SULT2B1: variants seen among roughly 807,000 people sequenced by gnomAD.
SULT2B1 encodes the protein sulfotransferase 2B1.
Under a neutral mutation model 33.2 loss-of-function variants are expected in SULT2B1, and 16 were observed. The ratio of observed to expected loss-of-function variants is 0.48; its 90% CI spans 0.33 to 0.73. The LOEUF is 0.73. Among genes scored for constraint, SULT2B1 ranks in the 30% least tolerant of loss-of-function variants. The probability of loss-of-function intolerance (pLI) is 0.02; values close to 1 mark genes in which losing one functional copy is unlikely to be tolerated. For synonymous variants in SULT2B1, 186 were observed against 200.5 expected, an observed-to-expected ratio of 0.93 and a Z score of 0.61; for missense variants, 500 against 506.0, an observed-to-expected ratio of 0.99 and a Z score of 0.11.
intron 5 of SULT2B1, among the ~76,000 whole-genome samples, 160 bp downstream of exon 5, chr19:48,592,976 G>A (rs1973663698): frequency 6.6e-6 from 1 of 152,178 alleles, no homozygotes; most frequent in Non-Finnish European, 1.5e-5. Flanking sequence ...CTGAGCCTGT[G>A]AGCAAGACCA....
intron 2 of SULT2B1, among the ~76,000 whole-genome samples, chr19:48,579,877 G>T (rs1160806753): frequency 6.6e-6 from 1 of 152,020 alleles, no homozygotes; most frequent in Non-Finnish European, 1.5e-5. Flanking sequence ...GAAGTGCTGG[G>T]ATTACAGGCG....
intron 1 of SULT2B1, among the ~76,000 whole-genome samples, chr19:48,567,096 A>G (rs2147603601): frequency 6.6e-6 from 1 of 152,236 alleles, no homozygotes; most frequent in Admixed American, 6.6e-5. Flanking sequence ...GCTGAATTCC[A>G]GCGTTTTTCC....
chr19:48,593,432 G>A (rs1973669655), intron 5 of SULT2B1, among the ~76,000 whole-genome samples: 1 of 151,510 alleles, frequency 6.6e-6, no homozygotes. Flanking sequence ...CATGCCTGTA[G>A]TCCCAGCTGC....
chr19:48,587,110 T>TAA (rs1208489951), intron 2 of SULT2B1, 119 bp from the exon 3 acceptor site: 2 of 647,750 alleles, frequency 3.1e-6, no homozygotes, highest in Admixed American at 7.5e-5. Flanking sequence ...AGACTCTGTC[T>TAA]TAAAAAAAAA....
At position 48,563,856 on chromosome 19, in the gene SULT2B1, T is replaced by C. The variant is rs372481176; in HGVS notation, c.71+11533T>C. On this transcript the variant is annotated intron_variant, in intron 1 of 6. Coordinates refer to ENST00000201586, the MANE Select transcript of SULT2B1 (RefSeq NM_177973.2). ...GGCACATGCCTGTAATCCCAGCTAC[T>C]CGGGAGGCTGAGGCAGGAGAATCGT... is the stretch of plus-strand genomic sequence containing the variant. Among the ~76,000 whole-genome samples, 48 of 151,680 alleles carry C rather than the reference T, an allele frequency of 3.2e-4. No homozygotes were observed. In the South Asian group the frequency reaches 9.6e-3, roughly 30 times the overall value.
chr19:48,596,943 G>GCCCA (rs1197231545), intron 6 of SULT2B1, 24 bp downstream of exon 6: 1 of 1,550,956 alleles, frequency 6.4e-7, no homozygotes, highest in South Asian at 1.2e-5. Context: ...GGGGTTCAGA[G>GCCCA]CCCACTAGGC....
intron 5 of SULT2B1, among the ~76,000 whole-genome samples, chr19:48,594,233 C>T (rs943837191): frequency 6.6e-6 from 1 of 152,064 alleles, no homozygotes; most frequent in South Asian, 2.1e-4. Context: ...TGCACTCCAG[C>T]TGGGTTATAG....
In SULT2B1 at chr19:48,591,631, C is replaced by A; in HGVS notation, c.446C>A (p.Pro149His). The A allele has an allele frequency of 1.2e-6, 2 of 1,613,470 alleles. No individual in the cohort carries two copies. The highest frequency in any genetic ancestry group is 1.7e-6 in the Non-Finnish European group (2 of 1,179,616). The change falls in exon 4 of 7, where the codon CCC becomes CAC. Residue 149 changes from proline to histidine, a missense_variant. By Grantham distance (77) the Pro-to-His change is moderately conservative (BLOSUM62 -2). Transcript: ENST00000201586. Reference protein sequence around the residue: ...KAKVIYMGRNPRDVVVSLYHY... With the variant: ...KAKVIYMGRNHRDVVVSLYHY... ...CAGGTGATCTACATGGGCCGCAACC[C>A]CCGGGACGTTGTGGTCTCCCTCTAT...
At chr19:48,597,069 G>A (rs985135712) in intron 6 of SULT2B1, 150 bp downstream of exon 6, 11 of 953,082 alleles carry the variant, frequency 1.2e-5, no homozygotes, top group Admixed American at 2.8e-5. Flanking sequence ...GATCACGCAC[G>A]GGGCTTAGCA....
Position 48,552,405 on chromosome 19 carries a change from T to C in SULT2B1, c.71+82T>C. 1 of 1,419,048 alleles carries C rather than the reference T, an allele frequency of 7.0e-7. No homozygotes were observed. Among genetic ancestry groups the C allele is most frequent in the East Asian group, 2.7e-5 (1 of 37,198 alleles). 87.9% of individuals were successfully genotyped at this position (1,419,048 alleles called of 1,614,324 possible). A position where few individuals can be genotyped will look rare whatever the true frequency, so the allele number is the denominator to read the frequency against. ...GGGGAGCCGGGGACTGTGGCAAGGG[T>C]GGCCTCCAGCCACCCGCAGCCGCAG... On this transcript the variant is annotated intron_variant, in intron 1 of 6. Coordinates refer to ENST00000201586, the MANE Select transcript of SULT2B1 (RefSeq NM_177973.2). The surrounding 1 kb of genome is among the most constrained non-coding windows in gnomAD (Gnocchi z 4.8).
chr19:48,578,036 G>A (rs1973437691), intron 2 of SULT2B1, among the ~76,000 whole-genome samples: 1 of 140,180 alleles, frequency 7.1e-6, no homozygotes, highest in Admixed American at 7.6e-5. Flanking sequence ...GGGCAACATA[G>A]CAAGACCCCA....
At chr19:48,592,965 C>T in intron 5 of SULT2B1, 149 bp downstream of exon 5, 2 of 685,284 alleles carry the variant, frequency 2.9e-6, no homozygotes, top group East Asian at 2.7e-5. Flanking sequence ...GAACAGAGGC[C>T]CTGAGCCTGT....
intron 1 of SULT2B1, among the ~76,000 whole-genome samples, chr19:48,566,749 G>A (rs1209547791): frequency 1.3e-5 from 2 of 151,978 alleles, no homozygotes; most frequent in Non-Finnish European, 2.9e-5. Flanking sequence ...GGCTGAGATG[G>A]GAGAATCACT....
At chr19:48,559,286 G>A (rs896422054) in intron 1 of SULT2B1, among the ~76,000 whole-genome samples, 2 of 152,100 alleles carry the variant, frequency 1.3e-5, no homozygotes, top group East Asian at 3.9e-4. Flanking sequence ...GCCTGTGTAC[G>A]GACTGGCAGA....
chr19:48,596,625 G>A, intron 5 of SULT2B1, 114 bp from the exon 6 acceptor site: 1 of 1,139,370 alleles, frequency 8.8e-7, no homozygotes, highest in Non-Finnish European at 1.2e-6. Context: ...GAGGCAAAGA[G>A]GCAGCGTCCC....
intron 5 of SULT2B1, chr19:48,596,451 C>CCCGGCTGTGACCTCTGCCG (rs1973715473): frequency 9.3e-6 from 2 of 215,524 alleles, no homozygotes; most frequent in African/African-American, 2.6e-5. Flanking sequence ...GACCTCTGCC[C>CCCGGCTGTGACCTCTGCCG]CCGGCTGTGA....
rs1404273325 is a variant in SULT2B1 at position 48,591,750 on chromosome 19, A to G, written c.550+15A>G. 6 of 1,565,654 alleles carry G rather than the reference A, an allele frequency of 3.8e-6. No individual in the cohort carries two copies. Among genetic ancestry groups the G allele is most frequent in the Non-Finnish European group, 5.2e-6 (6 of 1,154,582 alleles). ...CAAAGGCGAAGGTGGGGACAGGGTAAAGCGGGGCAGGAGGGGTGGGGAGGA... is the reference window on the plus strand; with the variant it reads ...CAAAGGCGAAGGTGGGGACAGGGTAGAGCGGGGCAGGAGGGGTGGGGAGGA... On this transcript the variant is annotated intron_variant, in intron 4 of 6. Coordinates refer to ENST00000201586, the MANE Select transcript of SULT2B1 (RefSeq NM_177973.2).
At chr19:48,592,497 G>T (rs1973655485) in intron 4 of SULT2B1, among the ~76,000 whole-genome samples, 1 of 152,144 alleles carries the variant, frequency 6.6e-6, no homozygotes, top group South Asian at 2.1e-4. Flanking sequence ...AGGCGGACTG[G>T]ATGGACAGAT....
At chr19:48,569,062 G>C (rs940990122) in intron 1 of SULT2B1, among the ~76,000 whole-genome samples, 4 of 152,022 alleles carry the variant, frequency 2.6e-5, no homozygotes, top group Middle Eastern at 3.2e-3. Flanking sequence ...TAAATTTTAG[G>C]CTGGGCGTGG....
Sources: allele counts gnomAD v4.1 joint callset (sites outside exome capture counted in the v4.1 genomes callset), GRCh38; gene constraint gnomAD v4.1.1; non-coding constraint Gnocchi (gnomAD v3.1); transcripts MANE v1.5; gene names NCBI Gene and HGNC (gene_info 2026-07-23, HGNC 2026-07-21).